Variants in MAP3K15 observed in about 807,000 individuals in gnomAD.
MAP3K15 encodes the protein mitogen-activated protein kinase kinase kinase 15.
MAP3K15 carries 124 observed loss-of-function variants against 99.5 expected under a neutral mutation model. The observed-to-expected ratio is 1.25, with a 90% CI of 1.08 to 1.45. The LOEUF is 1.45. Ranked by LOEUF, MAP3K15 falls within the 40% of genes most tolerant of loss-of-function variation. MAP3K15 has a pLI of 0.00. For missense variants in MAP3K15, 1,242 were observed against 1,079.7 expected (o/e 1.15, Z -2.11); for synonymous variants, 494 against 439.6 (o/e 1.12, Z -1.55).
In MAP3K15 at chrX:19,425,672, A is replaced by G; in HGVS notation, c.1298T>C (p.Leu433Ser). ...CTCCAAGCTCCCTTTTCTTCCCAAC[A>G]AACTGTTCAGCCGGACACCTTAAGA... ...LRKIGVRLNS[L>S]LGRKGSLEKM... The change falls in exon 9 of 29, where the codon TTG becomes TCG. Residue 433 changes from leucine (L) to serine (S), a missense_variant. Coordinates refer to ENST00000338883, the MANE Select transcript of MAP3K15 (RefSeq NM_001001671.4). The G allele has an allele frequency of 8.3e-7, 1 of 1,198,021 alleles. No individual in the cohort carries two copies. The highest frequency in any genetic ancestry group is 2.3e-4 in the Middle Eastern group (1 of 4,343).
At chrX:19,371,636 C>A in intron 22 of MAP3K15, 106 bp from the exon 23 acceptor site, 2 of 748,730 alleles carry the variant, frequency 2.7e-6, no homozygotes, top group South Asian at 5.6e-5. Flanking sequence ...ACTTGTGGAA[C>A]TCCCAGGTGA....
chrX:19,422,392 A>G (rs775072976), intron 9 of MAP3K15, among the ~76,000 whole-genome samples: 7 of 112,319 alleles, frequency 6.2e-5, no homozygotes, highest in Non-Finnish European at 1.3e-4. Context: ...ACACTTCTCA[A>G]AAAAAGACAT....
rs778642797 is a variant in MAP3K15, at chrX:19,361,612, T to C, written c.3680-19A>G. On this transcript the variant is annotated intron_variant, in intron 26 of 28. Coordinates refer to ENST00000338883, the MANE Select transcript of MAP3K15 (RefSeq NM_001001671.4). ...GTAATACCTGTAACGATTGGCAATT[T>C]GTTATATATTAGTCTAACCATAAAA... 2 of 1,077,591 alleles carry C rather than the reference T, an allele frequency of 1.9e-6. No individual in the cohort carries two copies. The highest frequency in any genetic ancestry group is 6.0e-5 in the East Asian group (2 of 33,245). 88.8% of individuals were successfully genotyped at this position (1,077,591 alleles called of 1,213,427 possible).
intron 1 of MAP3K15, among the ~76,000 whole-genome samples, chrX:19,492,920 T>C (rs1374061051): frequency 9.0e-6 from 1 of 111,060 alleles, no homozygotes; most frequent in Non-Finnish European, 1.9e-5. Context: ...TGAGCCAAGG[T>C]TGCACCACTG....
intron 9 of MAP3K15, among the ~76,000 whole-genome samples, chrX:19,417,501 G>A (rs745626720): frequency 4.5e-5 from 5 of 111,613 alleles, no homozygotes; most frequent in African/African-American, 1.6e-4. Context: ...GGGGAGGGGC[G>A]CCCACCACTG....
At chrX:19,367,425 A>C (rs1438314780) in intron 25 of MAP3K15, among the ~76,000 whole-genome samples, 1 of 110,980 alleles carries the variant, frequency 9.0e-6, no homozygotes, top group Non-Finnish European at 1.9e-5. Flanking sequence ...CCATGACACA[A>C]GTTTACCTGT....
At chrX:19,433,002 G>A (rs769655624) in intron 6 of MAP3K15, among the ~76,000 whole-genome samples, 17 of 112,365 alleles carry the variant, frequency 1.5e-4, no homozygotes, top group Admixed American at 2.8e-4. Flanking sequence ...GTGAGACACC[G>A]TGCCCAGCCA....
intron 10 of MAP3K15, among the ~76,000 whole-genome samples, chrX:19,414,554 T>C (rs1289248086): frequency 1.8e-5 from 2 of 112,331 alleles, no homozygotes. Flanking sequence ...AAACAAAAAC[T>C]CAAGGAAAAG....
chrX:19,490,656 G>A (rs2064362462), intron 1 of MAP3K15, among the ~76,000 whole-genome samples: 1 of 109,735 alleles, frequency 9.1e-6, no homozygotes, highest in Non-Finnish European at 1.9e-5. Context: ...GGCTAAGGTG[G>A]GTGGATGGCT....
intron 6 of MAP3K15, among the ~76,000 whole-genome samples, chrX:19,436,369 C>T (rs2063922201): frequency 1.8e-5 from 2 of 110,236 alleles, no homozygotes; most frequent in African/African-American, 3.3e-5. Context: ...CCTTGGACTA[C>T]TTTTATCATC....
At position 19,473,375 on chromosome X, in the gene MAP3K15, C is replaced by T. The variant is rs947859602; in HGVS notation, c.526-8969G>A. Among the ~76,000 whole-genome samples, 3 of 112,133 alleles carry T rather than the reference C, an allele frequency of 2.7e-5. No individual in the cohort carries two copies. In the Admixed American group the frequency reaches 2.8e-4, roughly 11 times the overall value. On this transcript the variant is annotated intron_variant, in intron 3 of 28. Transcript: ENST00000338883. Reference sequence around the variant, plus strand: ...TCAAGTGATGGAACACATTCAGACTCTTGTTGGTCAAGAGACCAGAAATTA... The same window carrying T: ...TCAAGTGATGGAACACATTCAGACTTTTGTTGGTCAAGAGACCAGAAATTA...
intron 14 of MAP3K15, among the ~76,000 whole-genome samples, chrX:19,400,352 T>A (rs1230825347): frequency 9.0e-6 from 1 of 111,626 alleles, no homozygotes; most frequent in African/African-American, 3.3e-5. Flanking sequence ...TTTAGTCTAG[T>A]CCATGGCCAA....
At chrX:19,472,688 T>G (rs533569862) in intron 3 of MAP3K15, among the ~76,000 whole-genome samples, 21 of 112,179 alleles carry the variant, frequency 1.9e-4, no homozygotes, top group African/African-American at 6.8e-4. Context: ...ACAAAAATAC[T>G]TATTACAATT....
In MAP3K15 at chrX:19,427,594, C is replaced by T. The variant is rs969970539; in HGVS notation, c.1167-1251G>A. Among the ~76,000 whole-genome samples, 4 of 111,340 alleles carry T rather than the reference C, an allele frequency of 3.6e-5. No individual in the cohort carries two copies. The Admixed American group carries it at 3.8e-4, about 11-fold the overall frequency. On this transcript the variant is annotated intron_variant, in intron 7 of 28. Transcript: ENST00000338883. ...CACCAAAGGTTAACAGTGACATTTT[C>T]ACTCTCATCTTTTTCTATACATGAA...
At chrX:19,486,373 G>A (rs1361375912) in intron 3 of MAP3K15, 109 bp downstream of exon 3, 6 of 325,005 alleles carry the variant, frequency 1.8e-5, no homozygotes, top group African/African-American at 1.4e-4. Context: ...CAACCCACAG[G>A]CGTGATTAGA....
At chrX:19,410,113 T>A (rs2063676125) in intron 11 of MAP3K15, 140 bp from the exon 12 acceptor site, 1 of 434,090 alleles carries the variant, frequency 2.3e-6, no homozygotes, top group Non-Finnish European at 4.0e-6. Flanking sequence ...ATACACCTTG[T>A]ATAACATGGA....
rs1482609065 is a variant in MAP3K15, at chrX:19,512,768, C to T, written c.361+2133G>A. Among the ~76,000 whole-genome samples, 8 of 109,968 alleles carry T rather than the reference C, an allele frequency of 7.3e-5. No homozygotes were observed. The East Asian group carries it at 2.3e-3, about 31-fold the overall frequency. ...GCCACTGCACCTGGCCTATCAAGCGCCTTAAATGCCACTAGTGCAACTAAG... is the reference window on the plus strand; with the variant it reads ...GCCACTGCACCTGGCCTATCAAGCGTCTTAAATGCCACTAGTGCAACTAAG... On this transcript the variant is annotated intron_variant, in intron 1 of 28. Coordinates refer to ENST00000338883, the MANE Select transcript of MAP3K15 (RefSeq NM_001001671.4).
At chrX:19,489,645 G>C (rs1183875603) in intron 1 of MAP3K15, among the ~76,000 whole-genome samples, 1 of 110,981 alleles carries the variant, frequency 9.0e-6, no homozygotes, top group African/African-American at 3.3e-5. Flanking sequence ...AGGACACAGG[G>C]AGAAGGTCCT....
At chrX:19,366,509 T>C (rs1331237171) in intron 25 of MAP3K15, among the ~76,000 whole-genome samples, 1 of 111,804 alleles carries the variant, frequency 8.9e-6, no homozygotes, top group Non-Finnish European at 1.9e-5. Context: ...GGGAGATAAT[T>C]GAATCATGGG....
Sources: gnomAD v4.1 joint callset for allele counts (sites outside exome capture counted in the v4.1 genomes callset) on GRCh38, gnomAD v4.1.1 for gene constraint, MANE v1.5 for transcripts, NCBI Gene and HGNC (gene_info 2026-07-23, HGNC 2026-07-21) for gene names.